The following DOT1L variants were observed in gnomAD, a reference collection of about 807,000 sequenced individuals.
The protein encoded by DOT1L is histone-lysine N-methyltransferase, H3 lysine-79 specific.
In DOT1L, 33 loss-of-function variants were observed where a neutral mutation model predicts 153.3. The observed-to-expected ratio is 0.22, with a 90% CI of 0.16 to 0.29. The LOEUF (loss-of-function observed/expected upper bound fraction) is 0.29, where lower values mean the gene tolerates loss of function less well. Among genes scored for constraint, DOT1L ranks in the 10% least tolerant of loss-of-function variants. The probability of loss-of-function intolerance (pLI) is 1.00; values close to 1 mark genes in which losing one functional copy is unlikely to be tolerated. For missense variants in DOT1L, 1,847 were observed against 2,119.9 expected, an observed-to-expected ratio of 0.87 and a Z score of 2.53; for synonymous variants, 1,135 against 965.1, an observed-to-expected ratio of 1.18 and a Z score of -3.26.
Position 2,223,463 on chromosome 19 carries a change from T to C in DOT1L, c.3573T>C (p.Ser1191=). ...TCACCTCAGACGAGGAGCCAGGCTCTGAGGACGAGCCCAGCAGTGCTCGGC... is the reference window on the plus strand; with the variant it reads ...TCACCTCAGACGAGGAGCCAGGCTCCGAGGACGAGCCCAGCAGTGCTCGGC... ...SPLTSDEEPG[S]EDEPSSARIE... The change falls in exon 25 of 28, where the codon TCT becomes TCC. Residue 1191 remains serine (S), a synonymous_variant. Coordinates refer to ENST00000398665, the MANE Select transcript of DOT1L (RefSeq NM_032482.3). 2 of 1,611,280 alleles carry C rather than the reference T, an allele frequency of 1.2e-6. No individual in the cohort carries two copies. Among genetic ancestry groups the C allele is most frequent in the Non-Finnish European group, 1.7e-6 (2 of 1,179,380 alleles).
chr19:2,214,369 T>C, intron 18 of DOT1L, 102 bp from the exon 19 acceptor site: 1 of 1,527,394 alleles, frequency 6.5e-7, no homozygotes, highest in Non-Finnish European at 8.8e-7. Context: ...TAAGCACACA[T>C]GCTGTTGGCT....
At chr19:2,172,332 G>GATGT (rs1434700900) in intron 1 of DOT1L, among the ~76,000 whole-genome samples, 2 of 151,476 alleles carry the variant, frequency 1.3e-5, no homozygotes. Context: ...TGGGACTACA[G>GATGT]GCGCCCGCCG....
rs1233382657 is a variant in DOT1L, at chr19:2,190,386, AGCCCTGGTGGGGGTG to A, written c.264+594_264+608del. The stretch of plus-strand genomic sequence containing the variant: ...TTCTTGAAGGTCTTGCTGTGGAGGG[AGCCCTGGTGGGGGTG>A]GCATGGGCTCACTTGGCCCTCCTGA... On this transcript the variant is annotated intron_variant, in intron 4 of 27. Coordinates refer to ENST00000398665, the MANE Select transcript of DOT1L (RefSeq NM_032482.3). This position sits in a 1 kb window ranked among gnomAD's most constrained non-coding sequence, Gnocchi z 4.8. 1.3e-5 allele frequency among the ~76,000 whole-genome samples: 2 copies of A among 151,810 alleles called. No individual in the cohort carries two copies. Among genetic ancestry groups the A allele is most frequent in the Non-Finnish European group, 2.9e-5 (2 of 67,948 alleles).
intron 1 of DOT1L, among the ~76,000 whole-genome samples, chr19:2,171,454 C>G (rs551449294): frequency 2.0e-5 from 3 of 152,278 alleles, no homozygotes; most frequent in Non-Finnish European, 1.5e-5. Context: ...CAGGGGACAC[C>G]TGGTGGCGTC....
intron 13 of DOT1L, 33 bp from the exon 14 acceptor site, chr19:2,210,588 T>C: frequency 6.2e-7 from 1 of 1,604,774 alleles, no homozygotes; most frequent in Non-Finnish European, 8.5e-7. Context: ...GGAGGCTCTG[T>C]GCCCATCCCT....
chr19:2,218,768 C>T (rs1335031249), intron 22 of DOT1L, among the ~76,000 whole-genome samples: 2 of 150,896 alleles, frequency 1.3e-5, no homozygotes, highest in African/African-American at 2.4e-5. Flanking sequence ...GTGATCTCGG[C>T]TCACTGCAAT....
In DOT1L at chr19:2,226,606, C is replaced by T. The variant is rs767132660; in HGVS notation, c.4085C>T (p.Ser1362Leu). The T allele has an allele frequency of 5.6e-6, 9 of 1,596,856 alleles. No homozygotes were observed. The highest frequency in any genetic ancestry group is 1.7e-4 in the Middle Eastern group (1 of 6,046). Residue 1362 changes from serine to leucine, a missense_variant, in exon 27 of 28, where the codon TCG becomes TTG. Ser to Leu is a moderately radical substitution (Grantham distance 145). Around this residue, in one of 8 missense-constraint regions of DOT1L, gnomAD observed 934 missense variants for 825.3 expected, o/e 1.13. Coordinates refer to ENST00000398665, the MANE Select transcript of DOT1L (RefSeq NM_032482.3). ...SFPSQRGKEG[S>L]DANPFLSKRQ... ...CCCTCGCAGCGCGGCAAGGAGGGCT[C>T]GGACGCCAACCCTTTCCTGAGCAAG...
At position 2,230,506 on chromosome 19, in the gene DOT1L, C is replaced by T. The variant is rs1318134453; in HGVS notation, c.*714C>T. ...CTGCGCGATGGTGCTGTGAGGACGG[C>T]GCGGGCACGTTGAACAAGTGCATTT... is the stretch of plus-strand genomic sequence containing the variant. On this transcript the variant is annotated 3_prime_UTR_variant, in exon 28 of 28. Coordinates refer to ENST00000398665, the MANE Select transcript of DOT1L (RefSeq NM_032482.3). 7 of 398,682 alleles carry T rather than the reference C, an allele frequency of 1.8e-5. No individual in the cohort carries two copies. Among genetic ancestry groups the T allele is most frequent in the African/African-American group, 8.2e-5 (4 of 48,642 alleles). The allele number at this position is 398,682 out of a possible 1,614,324, so 24.7% of individuals were successfully genotyped here. A position where few individuals can be genotyped will look rare whatever the true frequency, so the allele number is the denominator to read the frequency against.
chr19:2,217,114 G>C lies in DOT1L; in HGVS notation c.2544+24G>C. The C allele has an allele frequency of 3.8e-6, 6 of 1,565,718 alleles. No homozygotes were observed. Among genetic ancestry groups the C allele is most frequent in the Non-Finnish European group, 5.2e-6 (6 of 1,154,092 alleles). On this transcript the variant is annotated intron_variant, in intron 21 of 27. Coordinates refer to ENST00000398665, the MANE Select transcript of DOT1L (RefSeq NM_032482.3). This position sits in a 1 kb window ranked among gnomAD's most constrained non-coding sequence, Gnocchi z 7.3. ...AGGTGCGGGCCGCGACCCCTGCCCC[G>C]GGCTCAGGGAGGTGCTCAGCAGAGG...
At chr19:2,187,893 G>T (rs968720578) in intron 3 of DOT1L, among the ~76,000 whole-genome samples, 10 of 146,978 alleles carry the variant, frequency 6.8e-5, no homozygotes, top group African/African-American at 2.5e-4. Flanking sequence ...CCGCACTCCA[G>T]CCTGGGTGAC....
rs2024172223 is a variant in DOT1L, at chr19:2,222,700, A to T, written c.3390+141A>T. On this transcript the variant is annotated intron_variant, in intron 24 of 27. Transcript: ENST00000398665. The surrounding 1 kb of genome is among the most constrained non-coding windows in gnomAD (Gnocchi z 6.5). ...TGGATCACAAGATCAGGACATCAAGACCATCCTGGCTAACACGGTGAAACC... is the reference window on the plus strand; with the variant it reads ...TGGATCACAAGATCAGGACATCAAGTCCATCCTGGCTAACACGGTGAAACC... The T allele has an allele frequency of 3.7e-6, 3 of 805,002 alleles. No homozygotes were observed. The East Asian group carries it at 8.2e-5, about 22-fold the overall frequency. The allele number at this position is 805,002 out of a possible 1,614,324, so 49.9% of individuals were successfully genotyped here.
chr19:2,164,947 C>T (rs2019852129), intron 1 of DOT1L, among the ~76,000 whole-genome samples: 1 of 152,192 alleles, frequency 6.6e-6, no homozygotes, highest in African/African-American at 2.4e-5. Context: ...CTTGAGTGGG[C>T]AGGATTGGGC....
rs372606436 is a variant in DOT1L at position 2,221,995 on chromosome 19, G to A, written c.2826G>A (p.Ser942=). Residue 942 remains serine (S), a synonymous_variant, in exon 24 of 28, where the codon TCG becomes TCA. Transcript: ENST00000398665. ...LAPAGFSYAG[S]VAISGALAGS... ...CGGCAGGCTTCTCCTACGCTGGCTC[G>A]GTGGCCATCAGCGGGGCCTTGGCGG... is the stretch of plus-strand genomic sequence containing the variant. The A allele has an allele frequency of 6.2e-6, 10 of 1,609,028 alleles. No homozygotes were observed. The highest frequency in any genetic ancestry group is 2.2e-5 in the East Asian group (1 of 44,730).
In DOT1L at chr19:2,226,730, C is replaced by G. The variant is rs372779174; in HGVS notation, c.4209C>G (p.Thr1403=). ...CGCTGTGCGGGCCCACGGACAAGACCCCACTGCTGAGCGGCAAGGCCGCCA... is the reference window on the plus strand; with the variant it reads ...CGCTGTGCGGGCCCACGGACAAGACGCCACTGCTGAGCGGCAAGGCCGCCA... ...GLPLCGPTDK[T]PLLSGKAAKA... is the part of the protein sequence containing the mutation. The change falls in exon 27 of 28, where the codon ACC becomes ACG. Residue 1403 remains threonine (T), a synonymous_variant. Coordinates refer to ENST00000398665, the MANE Select transcript of DOT1L (RefSeq NM_032482.3). The G allele has an allele frequency of 1.8e-4, 280 of 1,559,242 alleles. 1 individual carries two copies. Among genetic ancestry groups the G allele is most frequent in the East Asian group, 2.7e-4 (12 of 43,902 alleles).
intron 5 of DOT1L, among the ~76,000 whole-genome samples, chr19:2,192,641 C>G (rs1042117131): frequency 3.3e-5 from 5 of 149,408 alleles, no homozygotes; most frequent in Non-Finnish European, 7.4e-5. Context: ...TCACGGCACT[C>G]CGGCCTGGGT....
chr19:2,207,530 C>A lies in DOT1L; in HGVS notation c.857-44C>A. On this transcript the variant is annotated intron_variant, in intron 10 of 27. Transcript: ENST00000398665. This position sits in a 1 kb window ranked among gnomAD's most constrained non-coding sequence, Gnocchi z 4.5. ...GGTGGGTGAGGTCTGCATGGAGGGG[C>A]TGTGGGCAGGCGCAGGCCCCGGCCT... The A allele has an allele frequency of 6.4e-7, 1 of 1,552,366 alleles. No homozygotes were observed. The highest frequency in any genetic ancestry group is 8.8e-7 in the Non-Finnish European group (1 of 1,140,988).
rs2023955116 is a variant in DOT1L at position 2,217,652 on chromosome 19, C to T, written c.2545-120C>T. On this transcript the variant is annotated intron_variant, in intron 21 of 27. Transcript: ENST00000398665. The surrounding 1 kb of genome is among the most constrained non-coding windows in gnomAD (Gnocchi z 7.3). ...TGACTGCGTGGGGAAGGTTGCAGGG[C>T]CTTGGCAGCGTGGGGGCCGCCTTGA... The T allele has an allele frequency of 7.1e-7, 1 of 1,417,866 alleles. No individual in the cohort carries two copies. The highest frequency in any genetic ancestry group is 1.4e-5 in the African/African-American group (1 of 70,874). The allele number at this position is 1,417,866 out of a possible 1,614,324, so 87.8% of individuals were successfully genotyped here.
intron 22 of DOT1L, among the ~76,000 whole-genome samples, 170 bp downstream of exon 22, chr19:2,218,088 G>A (rs1287301719): frequency 2.0e-5 from 3 of 152,256 alleles, no homozygotes; most frequent in Admixed American, 6.5e-5. Context: ...GACCTGGGCC[G>A]TTGTTTTCGC....
chr19:2,169,175 C>T (rs2020035994), intron 1 of DOT1L, among the ~76,000 whole-genome samples: 1 of 152,124 alleles, frequency 6.6e-6, no homozygotes, highest in Admixed American at 6.6e-5. Context: ...GGTGAGTGGG[C>T]AGCCAGCAGT....
Sources: allele counts gnomAD v4.1 joint callset (sites outside exome capture counted in the v4.1 genomes callset), GRCh38; gene constraint gnomAD v4.1.1; regional missense constraint gnomAD v4.1.1; non-coding constraint Gnocchi (gnomAD v3.1); transcripts MANE v1.5; gene names NCBI Gene and HGNC (gene_info 2026-07-23, HGNC 2026-07-21).